TENM2: variants seen among roughly 807,000 people sequenced by gnomAD.
The protein encoded by TENM2 is teneurin transmembrane protein 2, also known as teneurin-2.
A neutral mutation model predicts 245.2 loss-of-function variants in TENM2; 52 were observed. The ratio of observed to expected loss-of-function variants is 0.21; its 90% CI spans 0.17 to 0.27. The LOEUF is 0.27. Among genes scored for constraint, TENM2 ranks in the 10% least tolerant of loss-of-function variants. The pLI, the probability that TENM2 is intolerant of heterozygous loss-of-function variation, is 1.00. For missense variants in TENM2, 3,046 were observed against 3,666.8 expected (o/e 0.83, Z 4.37); for synonymous variants, 1,363 against 1,438.9 (o/e 0.95, Z 1.19).
chr5:167,262,716 G>A, the TENM2 span, among the ~76,000 whole-genome samples: 1 of 152,094 alleles, frequency 6.6e-6, no homozygotes, highest in Non-Finnish European at 1.5e-5. Context: ...TATAATGCAA[G>A]ACTGGCTCCC....
intron 1 of TENM2, among the ~76,000 whole-genome samples, chr5:167,343,577 C>G (rs1458439473): frequency 6.6e-6 from 1 of 152,124 alleles, no homozygotes; most frequent in African/African-American, 2.4e-5. Context: ...ATTTAAAAAG[C>G]CATACTTTGT....
At chr5:167,804,165 G>C (rs1309253629) in intron 2 of TENM2, among the ~76,000 whole-genome samples, 1 of 151,976 alleles carries the variant, frequency 6.6e-6, no homozygotes, top group Admixed American at 6.6e-5. Flanking sequence ...CTAATCCATA[G>C]ATAACATTCT....
intron 6 of TENM2, among the ~76,000 whole-genome samples, chr5:168,057,296 CT>C (rs1789628147): frequency 6.8e-6 from 1 of 147,804 alleles, no homozygotes; most frequent in South Asian, 2.2e-4. Flanking sequence ...CCCCCTACCC[CT>C]GTCGCCTCGC....
the TENM2 span, among the ~76,000 whole-genome samples, chr5:167,007,783 C>T: frequency 6.6e-6 from 1 of 152,146 alleles, no homozygotes; most frequent in East Asian, 1.9e-4. This position sits in a 1 kb window ranked among gnomAD's most constrained non-coding sequence, Gnocchi z 4.2. Context: ...AGCCACTGTG[C>T]CACAGGTGAG....
At chr5:167,246,359 T>A in the TENM2 span, among the ~76,000 whole-genome samples, 1 of 152,134 alleles carries the variant, frequency 6.6e-6, no homozygotes. Context: ...TGGCCACAGG[T>A]ATCATATACC....
intron 1 of TENM2, among the ~76,000 whole-genome samples, chr5:167,344,548 A>G (rs1224413492): frequency 6.6e-6 from 1 of 152,178 alleles, no homozygotes; most frequent in Non-Finnish European, 1.5e-5. Context: ...GCTTTTGATG[A>G]TTCACCAAGA....
the TENM2 span, among the ~76,000 whole-genome samples, chr5:167,239,849 C>T: frequency 1.1e-4 from 16 of 152,190 alleles, no homozygotes; most frequent in Admixed American, 9.2e-4. Flanking sequence ...CTCAGCTAAC[C>T]GCAACCTCTG....
At chr5:167,224,356 G>T in the TENM2 span, among the ~76,000 whole-genome samples, 1 of 152,074 alleles carries the variant, frequency 6.6e-6, no homozygotes, top group South Asian at 2.1e-4. Flanking sequence ...ATCTTGAGTT[G>T]ATTGCTGGAC....
At chr5:168,071,738 G>A (rs1182305909) in intron 7 of TENM2, among the ~76,000 whole-genome samples, 1 of 152,134 alleles carries the variant, frequency 6.6e-6, no homozygotes, top group South Asian at 2.1e-4. Context: ...TTCTTGGAGT[G>A]GAATTGCCAG....
rs879494722 is a variant in TENM2 at position 168,238,304 on chromosome 5, A to AAAAGAAAAGAAAAGAAAAG, written c.5521-6115_5521-6114insAAGAAAAGAAAAGAAAAGA. On this transcript the variant is annotated intron_variant, in intron 25 of 28. Transcript: ENST00000518659. ...GAAAAGAAAAGAAAAGAAAAGAAAA[A>AAAAGAAAAGAAAAGAAAAG]ATCCCAGAAGACTGACCCGGAAAGA... 6.4e-4 allele frequency among the ~76,000 whole-genome samples: 69 copies of AAAAGAAAAGAAAAGAAAAG among 107,404 alleles called. 2 individuals carry two copies. Among genetic ancestry groups the AAAAGAAAAGAAAAGAAAAG allele is most frequent in the South Asian group, 1.3e-3 (4 of 3,150 alleles). 70.5% of individuals were successfully genotyped at this position (107,404 alleles called of 152,430 possible).
chr5:168,187,523 A>G (rs1300212014), intron 13 of TENM2: 2 of 152,160 alleles, frequency 1.3e-5, no homozygotes, highest in Non-Finnish European at 2.9e-5. Flanking sequence ...TGCTAACAGC[A>G]GTGGGTTTCT....
chr5:167,929,964 T>G (rs973128106), intron 3 of TENM2, among the ~76,000 whole-genome samples: 1 of 152,220 alleles, frequency 6.6e-6, no homozygotes, highest in Non-Finnish European at 1.5e-5. Flanking sequence ...GTCCTCTTCA[T>G]GCACCAATTC....
chr5:168,214,398 T>C (rs776740616), intron 20 of TENM2, among the ~76,000 whole-genome samples: 3 of 152,164 alleles, frequency 2.0e-5, no homozygotes, highest in African/African-American at 4.8e-5. Flanking sequence ...GAAAAGTGCA[T>C]CTCCTGTCTC....
chr5:167,973,448 A>C (rs11958655), intron 4 of TENM2, among the ~76,000 whole-genome samples: 51,116 of 152,062 alleles, frequency 0.34, 10,403 homozygotes, highest in East Asian at 0.7. Flanking sequence ...CAGAGAGTGA[A>C]AGATCGAAAA....
At chr5:167,468,564 TC>T (rs754425819) in intron 2 of TENM2, among the ~76,000 whole-genome samples, 12 of 152,198 alleles carry the variant, frequency 7.9e-5, no homozygotes, top group South Asian at 4.1e-4. Context: ...TATTATTTTT[TC>T]CATAAGTCTT....
intron 2 of TENM2, among the ~76,000 whole-genome samples, chr5:167,439,579 G>T (rs1486555522): frequency 6.6e-6 from 1 of 152,110 alleles, no homozygotes; most frequent in Non-Finnish European, 1.5e-5. Flanking sequence ...GATATATGCA[G>T]TGTATTATTA....
intron 2 of TENM2, among the ~76,000 whole-genome samples, chr5:167,444,296 C>T (rs1383375730): frequency 1.5e-5 from 1 of 65,832 alleles, no homozygotes; most frequent in Non-Finnish European, 2.9e-5. Flanking sequence ...CACACATACA[C>T]ATACACACAC....
At chr5:167,389,769 A>G (rs1434742046) in intron 2 of TENM2, among the ~76,000 whole-genome samples, 1 of 152,174 alleles carries the variant, frequency 6.6e-6, no homozygotes, top group Non-Finnish European at 1.5e-5. Context: ...GGGAAAATCA[A>G]CAGGCACACG....
chr5:167,597,473 T>A (rs755239948), intron 2 of TENM2, among the ~76,000 whole-genome samples: 2 of 152,144 alleles, frequency 1.3e-5, no homozygotes, highest in Admixed American at 1.3e-4. Context: ...TGAGCCACCA[T>A]GCCCCATCCC....
Sources: allele counts gnomAD v4.1 joint callset (sites outside exome capture counted in the v4.1 genomes callset), GRCh38; gene constraint gnomAD v4.1.1; non-coding constraint Gnocchi (gnomAD v3.1); transcripts MANE v1.5; gene names NCBI Gene and HGNC (gene_info 2026-07-23, HGNC 2026-07-21).